The following MAF variants were observed in gnomAD, a reference collection of about 807,000 sequenced individuals.
The protein encoded by MAF is MAF bZIP transcription factor.
Under a neutral mutation model 22.0 loss-of-function variants are expected in MAF, and 10 were observed. The observed-to-expected ratio is 0.45, with a 90% CI of 0.28 to 0.77. The LOEUF (loss-of-function observed/expected upper bound fraction) is 0.77. Among genes scored for constraint, MAF ranks in the 30% least tolerant of loss-of-function variants. The pLI, the probability that MAF is intolerant of heterozygous loss-of-function variation, is 0.12. For missense variants in MAF, 544 were observed against 548.4 expected, an observed-to-expected ratio of 0.99 and a Z score of 0.08; for synonymous variants, 337 against 255.8, an observed-to-expected ratio of 1.32 and a Z score of -3.03.
At chr16:79,331,593 T>G in the MAF span, among the ~76,000 whole-genome samples, 2 of 152,122 alleles carry the variant, frequency 1.3e-5, no homozygotes, top group Non-Finnish European at 2.9e-5. Flanking sequence ...TGGACCATAG[T>G]CATACCTTCT....
the MAF span, among the ~76,000 whole-genome samples, chr16:79,241,218 C>T: frequency 6.6e-6 from 1 of 151,916 alleles, no homozygotes; most frequent in East Asian, 1.9e-4. Context: ...AGTAGACTTC[C>T]CAAGGTGGGT....
chr16:79,496,590 T>C, the MAF span, among the ~76,000 whole-genome samples: 2 of 152,242 alleles, frequency 1.3e-5, no homozygotes, highest in African/African-American at 4.8e-5. Context: ...ACCTCAGATA[T>C]CTGCCTTCAT....
chr16:79,460,349 G>A, the MAF span, among the ~76,000 whole-genome samples: 1 of 152,084 alleles, frequency 6.6e-6, no homozygotes, highest in Non-Finnish European at 1.5e-5. Context: ...AACGAAAAAT[G>A]GATAACCAAT....
the MAF span, among the ~76,000 whole-genome samples, chr16:79,552,101 C>T: frequency 1.3e-5 from 2 of 152,194 alleles, no homozygotes; most frequent in East Asian, 1.9e-4. Context: ...CCCCTGCCCT[C>T]TTCCAAGCAG....
the MAF span, among the ~76,000 whole-genome samples, chr16:79,337,346 C>G: frequency 6.6e-6 from 1 of 152,056 alleles, no homozygotes; most frequent in Non-Finnish European, 1.5e-5. Context: ...CCGAGGCAGG[C>G]GGATCACCAG....
chr16:79,297,650 G>T, the MAF span, among the ~76,000 whole-genome samples: 1 of 152,144 alleles, frequency 6.6e-6, no homozygotes, highest in Non-Finnish European at 1.5e-5. Context: ...AGAGTGCCTG[G>T]CCCATAGTGA....
At chr16:79,342,953 A>C in the MAF span, among the ~76,000 whole-genome samples, 1 of 152,292 alleles carries the variant, frequency 6.6e-6, no homozygotes, top group Middle Eastern at 3.4e-3. Flanking sequence ...AAAAAGGAAG[A>C]TGTGCAAATC....
At chr16:79,409,994 A>T in the MAF span, among the ~76,000 whole-genome samples, 1 of 152,202 alleles carries the variant, frequency 6.6e-6, no homozygotes, top group Non-Finnish European at 1.5e-5. Context: ...GTCCTTGTGG[A>T]TGAATTGCAA....
At chr16:79,313,506 C>A in the MAF span, among the ~76,000 whole-genome samples, 701 of 152,240 alleles carry the variant, frequency 4.6e-3, 11 homozygotes, top group African/African-American at 0.017. Context: ...TTCCCATCAC[C>A]CAAAGAGAAC....
chr16:79,508,558 C>A, the MAF span, among the ~76,000 whole-genome samples: 2 of 152,194 alleles, frequency 1.3e-5, no homozygotes, highest in East Asian at 1.9e-4. Flanking sequence ...TGCTTTGCAC[C>A]AAAGGCTCCC....
chr16:79,426,881 G>C, the MAF span, among the ~76,000 whole-genome samples: 1 of 152,200 alleles, frequency 6.6e-6, no homozygotes, highest in African/African-American at 2.4e-5. Context: ...CAATGAAGCT[G>C]ACATAAAAGA....
At chr16:79,575,025 T>G in the MAF span, among the ~76,000 whole-genome samples, 2 of 151,158 alleles carry the variant, frequency 1.3e-5, no homozygotes, top group Middle Eastern at 3.2e-3. Context: ...ACTGGGAATT[T>G]TTTTTTTTTT....
At chr16:79,390,729 G>C in the MAF span, among the ~76,000 whole-genome samples, 1 of 152,192 alleles carries the variant, frequency 6.6e-6, no homozygotes, top group African/African-American at 2.4e-5. Context: ...CGACTTGTGA[G>C]ATCTGAGAGA....
chr16:79,322,197 CACTCCAGCCTGGGCAACAGAGTGAG>C, the MAF span, among the ~76,000 whole-genome samples: 1 of 152,140 alleles, frequency 6.6e-6, no homozygotes, highest in Non-Finnish European at 1.5e-5. Flanking sequence ...CGCTCCACTG[CACTCCAGCCTGGGCAACAGAGTGAG>C]ACTTCACCTC....
At chr16:79,277,029 T>G in the MAF span, among the ~76,000 whole-genome samples, 28 of 152,242 alleles carry the variant, frequency 1.8e-4, 1 homozygote, top group South Asian at 5.8e-3. Flanking sequence ...AAATCTCTCT[T>G]TTTTAATTTT....
At chr16:79,394,108 C>G in the MAF span, among the ~76,000 whole-genome samples, 1 of 152,256 alleles carries the variant, frequency 6.6e-6, no homozygotes, top group East Asian at 1.9e-4. Flanking sequence ...TGTGTGGTTG[C>G]CCATGGAGTT....
the MAF span, among the ~76,000 whole-genome samples, chr16:79,523,622 T>C: frequency 6.6e-6 from 1 of 152,172 alleles, no homozygotes. Flanking sequence ...CACGAAGAAT[T>C]GCAAGGCGAG....
the MAF span, among the ~76,000 whole-genome samples, chr16:79,218,785 A>AT: frequency 4.6e-5 from 7 of 152,190 alleles, no homozygotes; most frequent in African/African-American, 1.7e-4. Flanking sequence ...GGGCAGAAAA[A>AT]TACCAGTCCA....
the MAF span, among the ~76,000 whole-genome samples, chr16:79,483,510 A>C: frequency 1.3e-5 from 2 of 151,638 alleles, no homozygotes; most frequent in Non-Finnish European, 2.9e-5. Context: ...ATTAACGTGA[A>C]GTGCTAAGAG....
Sources: gnomAD v4.1 joint callset for allele counts (sites outside exome capture counted in the v4.1 genomes callset) on GRCh38, gnomAD v4.1.1 for gene constraint, MANE v1.5 for transcripts, NCBI Gene and HGNC (gene_info 2026-07-23, HGNC 2026-07-21) for gene names.